Variants in CHCHD3 observed in about 807,000 individuals in gnomAD.
CHCHD3 encodes the protein MICOS complex subunit MIC19.
Under a neutral mutation model 38.2 loss-of-function variants are expected in CHCHD3, and 20 were observed. The ratio of observed to expected loss-of-function variants is 0.52; its 90% CI spans 0.37 to 0.76. The LOEUF is 0.76. CHCHD3 is among the 30% of genes least tolerant of loss of function. The pLI, the probability that CHCHD3 is intolerant of heterozygous loss-of-function variation, is 0.00. For synonymous variants in CHCHD3, 82 were observed against 100.0 expected (o/e 0.82, Z 1.07); for missense variants, 245 against 279.2 (o/e 0.88, Z 0.87).
In CHCHD3 at chr7:132,798,204, G is replaced by A. The variant is rs78608813; in HGVS notation, c.525-1627C>T. Among the ~76,000 whole-genome samples, 1,100 of 152,034 alleles carry A rather than the reference G, an allele frequency of 7.2e-3. 14 individuals are homozygous for A. The highest frequency in any genetic ancestry group is 0.026 in the African/African-American group (1,061 of 41,476). ...TTCCTACTATCCTCTAAAGAACACAGACATACAGAGAAAAAAAAATGTTTC... is the reference window on the plus strand; with the variant it reads ...TTCCTACTATCCTCTAAAGAACACAAACATACAGAGAAAAAAAAATGTTTC... On this transcript the variant is annotated intron_variant, in intron 6 of 7. Coordinates refer to ENST00000262570, the MANE Select transcript of CHCHD3 (RefSeq NM_017812.4).
At chr7:132,946,826 T>A (rs1048458105) in intron 4 of CHCHD3, among the ~76,000 whole-genome samples, 2 of 151,914 alleles carry the variant, frequency 1.3e-5, no homozygotes, top group Non-Finnish European at 1.5e-5. Context: ...ATTTAGATAA[T>A]GTTTTTAATC....
intron 2 of CHCHD3, among the ~76,000 whole-genome samples, chr7:133,027,510 G>A (rs564879051): frequency 1.3e-5 from 2 of 152,090 alleles, no homozygotes; most frequent in South Asian, 4.2e-4. Context: ...TCAGGGAATA[G>A]AGGAAAAACT....
At chr7:133,065,317 C>CA (rs915130142) in intron 2 of CHCHD3, among the ~76,000 whole-genome samples, 7 of 151,914 alleles carry the variant, frequency 4.6e-5, no homozygotes, top group African/African-American at 2.4e-5. Flanking sequence ...CAAGGTTTAG[C>CA]AAAAAAATTA....
chr7:133,066,752 C>T (rs1037529610), intron 2 of CHCHD3, among the ~76,000 whole-genome samples: 4 of 152,170 alleles, frequency 2.6e-5, no homozygotes, highest in Non-Finnish European at 5.9e-5. Context: ...GACCCATCCC[C>T]ACTCTCTCGA....
chr7:133,037,408 G>A (rs1456334380), intron 2 of CHCHD3, among the ~76,000 whole-genome samples: 1 of 152,024 alleles, frequency 6.6e-6, no homozygotes, highest in Non-Finnish European at 1.5e-5. Flanking sequence ...TAAACCCCAC[G>A]AAAAATTTCT....
At chr7:132,899,428 G>T (rs1322957136) in intron 4 of CHCHD3, among the ~76,000 whole-genome samples, 1 of 152,162 alleles carries the variant, frequency 6.6e-6, no homozygotes, top group East Asian at 1.9e-4. Flanking sequence ...TTTGAGGCAG[G>T]TTCTCTTAAA....
intron 4 of CHCHD3, among the ~76,000 whole-genome samples, chr7:132,916,945 A>C (rs1424149732): frequency 6.6e-6 from 1 of 152,200 alleles, no homozygotes; most frequent in African/African-American, 2.4e-5. Context: ...AAAGTTATAC[A>C]TATAGGGTTT....
At chr7:133,049,999 A>T (rs1814104668) in intron 2 of CHCHD3, among the ~76,000 whole-genome samples, 1 of 152,144 alleles carries the variant, frequency 6.6e-6, no homozygotes, top group South Asian at 2.1e-4. Flanking sequence ...GGTAGTCATA[A>T]CATAGTTCAT....
chr7:132,967,465 C>G (rs1398696623), intron 4 of CHCHD3, among the ~76,000 whole-genome samples: 1 of 151,922 alleles, frequency 6.6e-6, no homozygotes, highest in Non-Finnish European at 1.5e-5. Context: ...TAATATTGAG[C>G]TTCTCAGAGG....
At chr7:133,041,819 T>C (rs1267978849) in intron 2 of CHCHD3, among the ~76,000 whole-genome samples, 1 of 152,230 alleles carries the variant, frequency 6.6e-6, no homozygotes, top group Non-Finnish European at 1.5e-5. Context: ...CCACTTTCAC[T>C]ATTCTATGTT....
intron 6 of CHCHD3, among the ~76,000 whole-genome samples, chr7:132,807,606 A>ATATATAT (rs1806956322): frequency 9.2e-6 from 1 of 108,926 alleles, no homozygotes; most frequent in Non-Finnish European, 1.9e-5. Flanking sequence ...CATACACATA[A>ATATATAT]ATATATATAT....
chr7:132,896,162 A>C (rs903568559), intron 4 of CHCHD3, among the ~76,000 whole-genome samples: 1 of 152,246 alleles, frequency 6.6e-6, no homozygotes, highest in African/African-American at 2.4e-5. Flanking sequence ...AATGTAATGA[A>C]ATCATTCCCC....
chr7:132,882,461 CTATATATATATATATATA>C (rs71178065), intron 5 of CHCHD3, among the ~76,000 whole-genome samples: 61,112 of 134,640 alleles, frequency 0.45, 13,182 homozygotes, highest in African/African-American at 0.48. Flanking sequence ...ACAATATATT[CTATATATATATATATATA>C]TATATATATA....
intron 2 of CHCHD3, among the ~76,000 whole-genome samples, chr7:133,034,087 G>A (rs1293119106): frequency 3.3e-5 from 5 of 151,994 alleles, no homozygotes; most frequent in South Asian, 2.1e-4. Context: ...CCCAAACATC[G>A]ATTTATTTCA....
At chr7:133,020,711 C>T (rs867369569) in intron 3 of CHCHD3, among the ~76,000 whole-genome samples, 8 of 152,198 alleles carry the variant, frequency 5.3e-5, no homozygotes, top group Middle Eastern at 3.4e-3. Flanking sequence ...GTCAGCAGCT[C>T]GGAAAAATTC....
intron 4 of CHCHD3, among the ~76,000 whole-genome samples, chr7:132,933,319 G>A (rs1020574168): frequency 2.6e-5 from 4 of 152,166 alleles, no homozygotes; most frequent in Admixed American, 1.3e-4. Flanking sequence ...AGTTTTATAA[G>A]AAGGGGCCAC....
intron 5 of CHCHD3, among the ~76,000 whole-genome samples, chr7:132,869,800 T>A (rs1181883849): frequency 6.6e-6 from 1 of 151,830 alleles, no homozygotes; most frequent in African/African-American, 2.4e-5. Context: ...CCCAAGCTTG[T>A]CTCAAACTTC....
At chr7:132,987,692 G>A (rs1416527581) in intron 3 of CHCHD3, among the ~76,000 whole-genome samples, 1 of 152,136 alleles carries the variant, frequency 6.6e-6, no homozygotes, top group Non-Finnish European at 1.5e-5. Context: ...CTAAGATATA[G>A]TCACTGAAAC....
At chr7:132,792,054 CT>C (rs1396291166) in intron 7 of CHCHD3, among the ~76,000 whole-genome samples, 1 of 152,178 alleles carries the variant, frequency 6.6e-6, no homozygotes, top group African/African-American at 2.4e-5. Flanking sequence ...TGGGGGACCC[CT>C]GACAGACTCA....
Sources: allele counts gnomAD v4.1 joint callset (sites outside exome capture counted in the v4.1 genomes callset), GRCh38; gene constraint gnomAD v4.1.1; transcripts MANE v1.5; gene names NCBI Gene and HGNC (gene_info 2026-07-23, HGNC 2026-07-21).